PRKAG2: variants seen among roughly 807,000 people sequenced by gnomAD.
The protein encoded by PRKAG2 is 5'-AMP-activated protein kinase subunit gamma-2.
In PRKAG2, 26 loss-of-function variants were observed where a neutral mutation model predicts 69.6. The ratio of observed to expected loss-of-function variants is 0.37; its 90% CI spans 0.27 to 0.52. PRKAG2 has a LOEUF of 0.52. PRKAG2 is among the 20% of genes least tolerant of loss of function. The pLI is 0.90. For missense variants in PRKAG2, 557 were observed against 740.0 expected (o/e 0.75, Z 2.87); for synonymous variants, 293 against 285.0 (o/e 1.03, Z -0.28).
At chr7:151,784,968 G>T (rs562876600) in intron 2 of PRKAG2, among the ~76,000 whole-genome samples, 1 of 152,374 alleles carries the variant, frequency 6.6e-6, no homozygotes, top group Admixed American at 6.5e-5. Flanking sequence ...GCTGGGGTGG[G>T]CTGCGTGGCG....
At chr7:151,805,025 A>G (rs1586613197) in intron 1 of PRKAG2, among the ~76,000 whole-genome samples, 1 of 152,192 alleles carries the variant, frequency 6.6e-6, no homozygotes, top group Non-Finnish European at 1.5e-5. Flanking sequence ...AGCCCACAGG[A>G]CAGCCACTAG....
At chr7:151,810,983 C>T (rs2078388702) in intron 1 of PRKAG2, among the ~76,000 whole-genome samples, 1 of 152,006 alleles carries the variant, frequency 6.6e-6, no homozygotes, top group Non-Finnish European at 1.5e-5. Flanking sequence ...ACCATGGGAC[C>T]CCAGGTGGCG....
intron 1 of PRKAG2, among the ~76,000 whole-genome samples, chr7:151,866,741 G>A (rs1201977010): frequency 1.3e-5 from 2 of 152,178 alleles, no homozygotes; most frequent in Non-Finnish European, 2.9e-5. Context: ...TGAGCAGGGT[G>A]GAGCTGAGTA....
intron 14 of PRKAG2, 74 bp from the exon 15 acceptor site, chr7:151,560,691 C>G (rs1355451330): frequency 6.4e-7 from 1 of 1,567,512 alleles, no homozygotes; most frequent in Non-Finnish European, 8.8e-7. Context: ...GAAATAATGT[C>G]CTGTCATGTT....
At chr7:151,672,659 T>G (rs1832252650) in intron 4 of PRKAG2, among the ~76,000 whole-genome samples, 1 of 152,038 alleles carries the variant, frequency 6.6e-6, no homozygotes, top group Non-Finnish European at 1.5e-5. Context: ...CTTATTTCAC[T>G]CAGCACAAGG....
chr7:151,760,925 C>T (rs2075378198), intron 3 of PRKAG2, among the ~76,000 whole-genome samples: 2 of 152,174 alleles, frequency 1.3e-5, no homozygotes, highest in African/African-American at 4.8e-5. Flanking sequence ...GTTAGGATGG[C>T]TTCGTGGCAT....
chr7:151,755,276 A>G (rs1409669073), intron 3 of PRKAG2, among the ~76,000 whole-genome samples: 1 of 152,132 alleles, frequency 6.6e-6, no homozygotes, highest in Admixed American at 6.6e-5. Context: ...GAGGCACGGC[A>G]CAGCACAGCC....
intron 5 of PRKAG2, among the ~76,000 whole-genome samples, chr7:151,617,289 A>C: frequency 6.1e-5 from 1 of 16,374 alleles, no homozygotes; most frequent in Non-Finnish European, 2.2e-4. Flanking sequence ...GGAAAGAGGG[A>C]GGGGGGGAGG....
At chr7:151,734,471 G>C (rs775417322) in intron 3 of PRKAG2, among the ~76,000 whole-genome samples, 16 of 152,184 alleles carry the variant, frequency 1.1e-4, no homozygotes, top group Non-Finnish European at 1.5e-4. Flanking sequence ...CACTGGGGTA[G>C]GGGTCCTGCT....
chr7:151,722,055 C>T (rs1227092925), intron 3 of PRKAG2, among the ~76,000 whole-genome samples: 1 of 152,148 alleles, frequency 6.6e-6, no homozygotes, highest in Admixed American at 6.5e-5. Flanking sequence ...GCTATTGTTT[C>T]CTGCATGTGA....
intron 4 of PRKAG2, among the ~76,000 whole-genome samples, chr7:151,656,276 C>T (rs890270456): frequency 2.6e-5 from 4 of 152,094 alleles, no homozygotes; most frequent in African/African-American, 4.8e-5. Context: ...AGAATTTGGC[C>T]GGGCATGGTG....
chr7:151,649,031 C>T (rs937968886), intron 4 of PRKAG2, among the ~76,000 whole-genome samples: 3 of 152,112 alleles, frequency 2.0e-5, no homozygotes, highest in Admixed American at 6.5e-5. Flanking sequence ...ATGTTCTTGT[C>T]ACTAAATGTG....
At chr7:151,869,470 T>C (rs369308199) in intron 1 of PRKAG2, among the ~76,000 whole-genome samples, 1 of 152,214 alleles carries the variant, frequency 6.6e-6, no homozygotes, top group Non-Finnish European at 1.5e-5. Flanking sequence ...TTTTCTCAGC[T>C]GGGCATTTGT....
intron 3 of PRKAG2, among the ~76,000 whole-genome samples, chr7:151,728,128 C>G (rs993251736): frequency 6.6e-6 from 1 of 152,140 alleles, no homozygotes; most frequent in Admixed American, 6.5e-5. Context: ...GACTTGCACC[C>G]CAACCAGCAC....
intron 6 of PRKAG2, among the ~76,000 whole-genome samples, chr7:151,582,441 C>A (rs1349081389): frequency 6.6e-6 from 1 of 152,066 alleles, no homozygotes; most frequent in East Asian, 1.9e-4. Flanking sequence ...GGTAAGCCAC[C>A]TCCCCCAGCC....
At chr7:151,759,617 G>A (rs549243989) in intron 3 of PRKAG2, among the ~76,000 whole-genome samples, 2 of 152,198 alleles carry the variant, frequency 1.3e-5, no homozygotes, top group African/African-American at 2.4e-5. Context: ...CGCATTTGAA[G>A]GTGAACCGCA....
intron 1 of PRKAG2, among the ~76,000 whole-genome samples, chr7:151,872,739 A>T (rs4726105): frequency 0.17 from 26,235 of 152,158 alleles, 2,497 homozygotes; most frequent in East Asian, 0.24. Context: ...AGGCTGAGCA[A>T]GCTGCCAGGG....
At chr7:151,727,227 C>T (rs377649985) in intron 3 of PRKAG2, among the ~76,000 whole-genome samples, 1 of 149,196 alleles carries the variant, frequency 6.7e-6, no homozygotes, top group Non-Finnish European at 1.5e-5. Context: ...AAAAAAAAAA[C>T]AAAAAACAAA....
intron 1 of PRKAG2, among the ~76,000 whole-genome samples, chr7:151,799,676 C>T (rs185744535): frequency 6.6e-6 from 1 of 152,342 alleles, no homozygotes; most frequent in East Asian, 1.9e-4. Context: ...CGGGCGCGGA[C>T]ACTCTGCATG....
Sources: gnomAD v4.1 joint callset for allele counts (sites outside exome capture counted in the v4.1 genomes callset) on GRCh38, gnomAD v4.1.1 for gene constraint, MANE v1.5 for transcripts, NCBI Gene and HGNC (gene_info 2026-07-23, HGNC 2026-07-21) for gene names.